PKD1L1: variants seen among roughly 807,000 people sequenced by gnomAD.
PKD1L1 encodes polycystin-1-like protein 1.
Under a neutral mutation model 323.4 loss-of-function variants are expected in PKD1L1, and 236 were observed. That is an observed-to-expected ratio of 0.73 (90% CI 0.66 to 0.81). The LOEUF is 0.81. Ranked by LOEUF, PKD1L1 falls within the 40% of genes least tolerant of loss-of-function variation. The probability of loss-of-function intolerance (pLI) is 0.00; values close to 1 mark genes in which losing one functional copy is unlikely to be tolerated. For missense variants in PKD1L1, 3,320 were observed against 3,508.0 expected (o/e 0.95, Z 1.35); for synonymous variants, 1,344 against 1,335.0 (o/e 1.01, Z -0.15).
chr7:47,832,322 C>T (rs928566128), intron 41 of PKD1L1, among the ~76,000 whole-genome samples: 1 of 152,204 alleles, frequency 6.6e-6, no homozygotes, highest in South Asian at 2.1e-4. Flanking sequence ...GGAGGGTCGT[C>T]GGTCCTTGGG....
At chr7:47,960,177 TCG>T in the PKD1L1 span, among the ~76,000 whole-genome samples, 2 of 149,588 alleles carry the variant, frequency 1.3e-5, no homozygotes, top group African/African-American at 2.5e-5. Context: ...GGCAGCATGC[TCG>T]TTAAGAGTCA....
chr7:47,949,404 C>T (rs1210298413), upstream of PKD1L1, among the ~76,000 whole-genome samples: 1 of 123,104 alleles, frequency 8.1e-6, no homozygotes, highest in Non-Finnish European at 1.6e-5. Context: ...TGTAACTGTC[C>T]ACAACTGCAC....
the PKD1L1 span, among the ~76,000 whole-genome samples, chr7:47,959,471 G>A: frequency 2.5e-5 from 3 of 119,016 alleles, no homozygotes; most frequent in Non-Finnish European, 3.6e-5. Context: ...CCTCTGCCCC[G>A]CCGCCCCGTC....
At chr7:47,921,128 T>A (rs1787526636) in intron 7 of PKD1L1, among the ~76,000 whole-genome samples, 1 of 150,494 alleles carries the variant, frequency 6.6e-6, no homozygotes, top group Admixed American at 6.6e-5. Flanking sequence ...GGAAAAAAAA[T>A]CTTCACAATC....
At chr7:47,818,324 A>G in intron 46 of PKD1L1, 5 of 617,512 alleles carry the variant, frequency 8.1e-6, no homozygotes, top group Non-Finnish European at 1.2e-5. Context: ...TGAATTTTCA[A>G]CAGAGGAAAG....
intron 31 of PKD1L1, among the ~76,000 whole-genome samples, chr7:47,851,709 A>G (rs1040187029): frequency 1.3e-5 from 2 of 152,238 alleles, no homozygotes; most frequent in African/African-American, 4.8e-5. Flanking sequence ...ACTTAGCACC[A>G]TCGCCTATGG....
At position 47,932,173 on chromosome 7, in the gene PKD1L1, C is replaced by T; in HGVS notation, c.399-117G>A. The T allele has an allele frequency of 4.2e-6, 6 of 1,445,336 alleles. No homozygotes were observed. In the South Asian group the frequency reaches 8.4e-5, roughly 20 times the overall value. The allele number at this position is 1,445,336 out of a possible 1,614,324, so 89.5% of individuals were successfully genotyped here. A position where few individuals can be genotyped will look rare whatever the true frequency, so the allele number is the denominator to read the frequency against. On this transcript the variant is annotated intron_variant, in intron 4 of 56. Transcript: ENST00000289672. ...CCAGGCTTTGCTGGAAATTCCCTTGCTGTGATTGCAGGCTCATTCCTGGGA... is the reference window on the plus strand; with the variant it reads ...CCAGGCTTTGCTGGAAATTCCCTTGTTGTGATTGCAGGCTCATTCCTGGGA...
At chr7:47,904,981 G>A (rs1332009270) in intron 11 of PKD1L1, among the ~76,000 whole-genome samples, 176 bp downstream of exon 11, 1 of 152,120 alleles carries the variant, frequency 6.6e-6, no homozygotes, top group Non-Finnish European at 1.5e-5. Flanking sequence ...GAAGAGAAAT[G>A]AACGAAATCT....
chr7:47,907,536 G>A (rs538347450), intron 9 of PKD1L1, among the ~76,000 whole-genome samples: 30 of 152,310 alleles, frequency 2.0e-4, no homozygotes, highest in Admixed American at 6.5e-4. Context: ...CGAGTGAGGC[G>A]TTAGCAGTGG....
At position 47,894,040 on chromosome 7, in the gene PKD1L1, A is replaced by T; in HGVS notation, c.2291T>A (p.Val764Glu). The T allele has an allele frequency of 6.3e-7, 1 of 1,578,674 alleles. No individual in the cohort carries two copies. The highest frequency in any genetic ancestry group is 8.6e-7 in the Non-Finnish European group (1 of 1,161,726). ...GCCCACACAGTAGTTGCTGTACACCACACTGCCTTCAATCTGAACCTGCAG... is the reference window on the plus strand; with the variant it reads ...GCCCACACAGTAGTTGCTGTACACCTCACTGCCTTCAATCTGAACCTGCAG... ...ALAKVQIEGS[V>E]VYSNYCVGLE... Residue 764 changes from valine (V) to glutamate (E), a missense_variant, in exon 15 of 57, where the codon GTG becomes GAG. Transcript: ENST00000289672.
At chr7:47,788,263 C>CT in intron 56 of PKD1L1, among the ~76,000 whole-genome samples, 1 of 150,770 alleles carries the variant, frequency 6.6e-6, no homozygotes, top group Admixed American at 6.6e-5. Flanking sequence ...TTAATATATT[C>CT]TTTTTTTATT....
intron 55 of PKD1L1, among the ~76,000 whole-genome samples, chr7:47,794,750 A>C (rs181482025): frequency 1.5e-3 from 223 of 152,280 alleles, no homozygotes; most frequent in African/African-American, 5.1e-3. Flanking sequence ...TGTACCCTGC[A>C]AAGCTACAGG....
intron 28 of PKD1L1, among the ~76,000 whole-genome samples, chr7:47,855,511 T>C (rs1452834142): frequency 6.6e-6 from 1 of 152,214 alleles, no homozygotes; most frequent in Non-Finnish European, 1.5e-5. Flanking sequence ...TTTGAAGTAT[T>C]TTTTATTTTA....
At chr7:47,911,334 G>A (rs780946156) in intron 8 of PKD1L1, among the ~76,000 whole-genome samples, 10 of 152,082 alleles carry the variant, frequency 6.6e-5, no homozygotes, top group South Asian at 2.1e-4. Context: ...AGCAAATGTC[G>A]GCACCCGTGC....
chr7:47,851,152 G>A (rs1785773730), intron 31 of PKD1L1, among the ~76,000 whole-genome samples: 1 of 152,162 alleles, frequency 6.6e-6, no homozygotes, highest in African/African-American at 2.4e-5. Flanking sequence ...CAAATGTGAT[G>A]CGCAGTTCTT....
intron 34 of PKD1L1, among the ~76,000 whole-genome samples, chr7:47,841,781 C>G (rs985339855): frequency 6.6e-6 from 1 of 151,974 alleles, no homozygotes; most frequent in Non-Finnish European, 1.5e-5. Flanking sequence ...GGCACCCCAC[C>G]ATTTTTTACT....
intron 8 of PKD1L1, among the ~76,000 whole-genome samples, chr7:47,909,304 T>A (rs1787270332): frequency 6.6e-6 from 1 of 152,166 alleles, no homozygotes; most frequent in Admixed American, 6.5e-5. Flanking sequence ...TCAGCTGAGC[T>A]GGTTCCCATC....
At chr7:47,955,256 T>C in the PKD1L1 span, among the ~76,000 whole-genome samples, 1 of 152,246 alleles carries the variant, frequency 6.6e-6, no homozygotes, top group Non-Finnish European at 1.5e-5. Flanking sequence ...AATTTTCTAT[T>C]TATGAAAATA....
chr7:47,802,166 T>C (rs1250501191), intron 53 of PKD1L1, among the ~76,000 whole-genome samples: 1 of 140,196 alleles, frequency 7.1e-6, no homozygotes, highest in Non-Finnish European at 1.5e-5. Flanking sequence ...CCCTCCAGCC[T>C]GGGTGACAGA....
Sources: gnomAD v4.1 joint callset for allele counts (sites outside exome capture counted in the v4.1 genomes callset) on GRCh38, gnomAD v4.1.1 for gene constraint, MANE v1.5 for transcripts, NCBI Gene and HGNC (gene_info 2026-07-23, HGNC 2026-07-21) for gene names.